Variants in THAP4 observed in about 807,000 individuals in gnomAD.
THAP4 encodes peroxynitrite isomerase THAP4.
THAP4 carries 18 observed loss-of-function variants against 48.1 expected under a neutral mutation model. The ratio of observed to expected loss-of-function variants is 0.37; its 90% confidence interval spans 0.26 to 0.56. The LOEUF (loss-of-function observed/expected upper bound fraction) is 0.56. Among genes scored for constraint, THAP4 ranks in the 20% least tolerant of loss-of-function variants. The pLI is 0.78. For synonymous variants in THAP4, 345 were observed against 324.9 expected (o/e 1.06, Z -0.66); for missense variants, 656 against 774.9 (o/e 0.85, Z 1.82).
At chr2:241,635,463 C>T (rs2067623946) in intron 1 of THAP4, among the ~76,000 whole-genome samples, 2 of 152,196 alleles carry the variant, frequency 1.3e-5, no homozygotes, top group South Asian at 4.1e-4. Context: ...TGTTTAAGAA[C>T]ATAGGCCTGG....
At chr2:241,609,974 T>A (rs1220102642) in intron 2 of THAP4, among the ~76,000 whole-genome samples, 1 of 152,068 alleles carries the variant, frequency 6.6e-6, no homozygotes, top group Non-Finnish European at 1.5e-5. Context: ...CCCCGGGCGC[T>A]GGGGAGCAGC....
intron 5 of THAP4, among the ~76,000 whole-genome samples, chr2:241,596,909 G>A (rs1427526565): frequency 6.6e-6 from 1 of 150,806 alleles, no homozygotes; most frequent in East Asian, 2.0e-4. Flanking sequence ...AGTGAGTGAT[G>A]GGTGAATGTG....
chr2:241,599,011 G>C (rs1187678935), intron 5 of THAP4, among the ~76,000 whole-genome samples: 2 of 152,020 alleles, frequency 1.3e-5, no homozygotes, highest in Non-Finnish European at 2.9e-5. Flanking sequence ...CAACACTTTA[G>C]GAAGCTGAGC....
intron 5 of THAP4, among the ~76,000 whole-genome samples, chr2:241,597,512 T>G (rs1204141794): frequency 1.3e-5 from 2 of 152,134 alleles, no homozygotes; most frequent in Admixed American, 6.5e-5. Flanking sequence ...CAATACATAT[T>G]GGAAAGATGA....
intron 2 of THAP4, 47 bp from the exon 3 acceptor site, chr2:241,606,520 C>A: frequency 6.6e-7 from 1 of 1,522,786 alleles, no homozygotes; most frequent in South Asian, 1.2e-5. Context: ...TCCAACCATG[C>A]CTTGCTGAGC....
chr2:241,588,767 G>A (rs931294389), intron 5 of THAP4, among the ~76,000 whole-genome samples: 9 of 152,182 alleles, frequency 5.9e-5, no homozygotes, highest in Non-Finnish European at 1.2e-4. Context: ...ATACCATCTA[G>A]AAATAGCAAT....
intron 2 of THAP4, among the ~76,000 whole-genome samples, chr2:241,615,092 G>A (rs1020936351): frequency 1.3e-5 from 2 of 152,050 alleles, no homozygotes; most frequent in African/African-American, 2.4e-5. Context: ...AACACTGCGC[G>A]AAAAGAAAGA....
chr2:241,590,643 G>A (rs1411302312), intron 5 of THAP4, among the ~76,000 whole-genome samples: 2 of 150,824 alleles, frequency 1.3e-5, no homozygotes, highest in East Asian at 2.0e-4. Flanking sequence ...AGAGCTGCCC[G>A]GCTGACGATG....
At position 241,601,733 on chromosome 2, in the gene THAP4, T is replaced by C; in HGVS notation, c.1614+163A>G. 7.3e-7 allele frequency: 1 copy of C among 1,362,086 alleles called. No homozygotes were observed. The highest frequency in any genetic ancestry group is 1.0e-6 in the Non-Finnish European group (1 of 1,004,124). The allele number at this position is 1,362,086 out of a possible 1,614,324, so 84.4% of individuals were successfully genotyped here. A position where few individuals can be genotyped will look rare whatever the true frequency, so the allele number is the denominator to read the frequency against. ...GAGGGGGCAATGAATTTAGGGAACA[T>C]CCACCCTGGATGGTCCGAGAAGGGA... On this transcript the variant is annotated intron_variant, in intron 5 of 5. Coordinates refer to ENST00000407315, the MANE Select transcript of THAP4 (RefSeq NM_015963.6). This position sits in a 1 kb window ranked among gnomAD's most constrained non-coding sequence, Gnocchi z 4.0.
At chr2:241,588,225 G>A (rs1233653703) in intron 5 of THAP4, among the ~76,000 whole-genome samples, 4 of 151,904 alleles carry the variant, frequency 2.6e-5, no homozygotes, top group Non-Finnish European at 5.9e-5. Flanking sequence ...AAATATGTAG[G>A]AATAAATTTA....
chr2:241,591,379 C>T lies in THAP4; in HGVS notation c.1615-6654G>A, dbSNP rs148933513. On this transcript the variant is annotated intron_variant, in intron 5 of 5. Coordinates refer to ENST00000407315, the MANE Select transcript of THAP4 (RefSeq NM_015963.6). ...CTGTTCTCAGTCTTGACTGGCGCAG[C>T]GTTACAAGATTATATATGCTTGTCC... Among the ~76,000 whole-genome samples the T allele has an allele frequency of 4.9e-4, 75 of 152,284 alleles. 1 individual carries two copies. Among genetic ancestry groups the T allele is most frequent in the African/African-American group, 1.7e-3 (70 of 41,550 alleles).
intron 3 of THAP4, among the ~76,000 whole-genome samples, chr2:241,605,807 C>T (rs1285178232): frequency 6.6e-6 from 1 of 151,916 alleles, no homozygotes; most frequent in East Asian, 1.9e-4. Flanking sequence ...CCTTGGCCCT[C>T]CCTGGGTTCA....
chr2:241,613,984 T>A (rs565805273), intron 2 of THAP4, among the ~76,000 whole-genome samples: 2 of 152,090 alleles, frequency 1.3e-5, no homozygotes, highest in South Asian at 4.2e-4. Flanking sequence ...AAACCCCATC[T>A]CTACCAGAAA....
At chr2:241,630,692 T>C (rs1263733650) in intron 2 of THAP4, among the ~76,000 whole-genome samples, 2 of 151,768 alleles carry the variant, frequency 1.3e-5, no homozygotes, top group African/African-American at 4.8e-5. Flanking sequence ...GGCAAGAGAA[T>C]TGCTTGAACC....
Position 241,633,108 on chromosome 2 carries a change from A to G in THAP4, c.1049T>C (p.Phe350Ser), listed in dbSNP as rs1225902760. The change falls in exon 2 of 6, where the codon TTC becomes TCC. Residue 350 changes from phenylalanine to serine, a missense_variant. Physicochemically the swap from Phe to Ser is radical, Grantham distance 155. Coordinates refer to ENST00000407315, the MANE Select transcript of THAP4 (RefSeq NM_015963.6). This position sits in a 1 kb window ranked among gnomAD's most constrained non-coding sequence, Gnocchi z 7.5. The stretch of plus-strand genomic sequence containing the variant: ...CTGGCTCTTGTTCTGCCGGGAGGAG[A>G]AGCAGTAGGAGTGCAGTGAGTCGAT... Reference protein sequence around the residue: ...KLIDSLHSYCFSSRQNKSQVC... With the variant: ...KLIDSLHSYCSSSRQNKSQVC... The G allele has an allele frequency of 6.2e-7, 1 of 1,613,622 alleles. No homozygotes were observed. The highest frequency in any genetic ancestry group is 8.5e-7 in the Non-Finnish European group (1 of 1,179,868).
At position 241,601,146 on chromosome 2, in the gene THAP4, C is replaced by T. The variant is rs1278950648; in HGVS notation, c.1614+750G>A. ...ATACAAAATTAGCCAGGCGTGGTGG[C>T]GCATGCCTGTAATCCCAGCTACCCA... On this transcript the variant is annotated intron_variant, in intron 5 of 5. Transcript: ENST00000407315. The surrounding 1 kb of genome is among the most constrained non-coding windows in gnomAD (Gnocchi z 4.0). 5.3e-5 allele frequency among the ~76,000 whole-genome samples: 8 copies of T among 152,082 alleles called. No homozygotes were observed. The highest frequency in any genetic ancestry group is 2.6e-4 in the Admixed American group (4 of 15,262).
At chr2:241,606,592 G>T in intron 2 of THAP4, 119 bp from the exon 3 acceptor site, 1 of 1,010,570 alleles carries the variant, frequency 9.9e-7, no homozygotes, top group Non-Finnish European at 1.4e-6. Context: ...TAATCCTGGG[G>T]GACCTGTCAA....
At chr2:241,614,683 C>A (rs1214204528) in intron 2 of THAP4, among the ~76,000 whole-genome samples, 1 of 152,014 alleles carries the variant, frequency 6.6e-6, no homozygotes, top group African/African-American at 2.4e-5. Flanking sequence ...GTCAGGAGTT[C>A]GAGACCAGCC....
At chr2:241,591,721 C>T (rs1316872417) in intron 5 of THAP4, among the ~76,000 whole-genome samples, 3 of 152,130 alleles carry the variant, frequency 2.0e-5, no homozygotes, top group African/African-American at 7.2e-5. Flanking sequence ...CAACTCAGCC[C>T]CAGGTGGATT....
Sources: allele counts gnomAD v4.1 joint callset (sites outside exome capture counted in the v4.1 genomes callset), GRCh38; gene constraint gnomAD v4.1.1; non-coding constraint Gnocchi (gnomAD v3.1); transcripts MANE v1.5; gene names NCBI Gene and HGNC (gene_info 2026-07-23, HGNC 2026-07-21).